Variants in CEP170 observed in about 807,000 individuals in gnomAD.
CEP170 encodes centrosomal protein of 170 kDa.
In CEP170, 21 loss-of-function variants were observed where a neutral mutation model predicts 151.9. The ratio of observed to expected loss-of-function variants is 0.14; its 90% CI spans 0.10 to 0.20. The LOEUF is 0.20. Among genes scored for constraint, CEP170 ranks in the 10% least tolerant of loss-of-function variants. The pLI is 1.00. For missense variants in CEP170, 964 were observed against 1,892.9 expected (o/e 0.51, Z 9.11); for synonymous variants, 356 against 648.8 (o/e 0.55, Z 6.86).
At chr1:243,157,384 T>TA (rs3831300) in intron 13 of CEP170, among the ~76,000 whole-genome samples, 93,495 of 152,008 alleles carry the variant, frequency 0.62, 30,473 homozygotes, top group African/African-American at 0.85. Flanking sequence ...TAAATAGAGG[T>TA]AAAAAGAGAG....
chr1:243,128,505 A>G (rs1014364771), intron 18 of CEP170: 50 of 528,098 alleles, frequency 9.5e-5, no homozygotes, highest in Non-Finnish European at 1.3e-4. Context: ...AATGAAATAC[A>G]ATAACTTTTT....
intron 1 of CEP170, among the ~76,000 whole-genome samples, chr1:243,250,006 C>T (rs773745654): frequency 7.9e-5 from 12 of 152,092 alleles, no homozygotes; most frequent in Non-Finnish European, 1.0e-4. Flanking sequence ...AGGAGGCAGA[C>T]GTTGTAGTAA....
intron 1 of CEP170, among the ~76,000 whole-genome samples, chr1:243,234,215 A>C (rs1223795908): frequency 6.6e-6 from 1 of 152,208 alleles, no homozygotes; most frequent in Non-Finnish European, 1.5e-5. Context: ...AGCTGGCCTC[A>C]CATTAGGACT....
chr1:243,227,805 C>G (rs2063422018), intron 1 of CEP170, among the ~76,000 whole-genome samples: 1 of 152,104 alleles, frequency 6.6e-6, no homozygotes. Context: ...CCCTGTGGAC[C>G]CTTGTAAGGT....
In CEP170 at chr1:243,129,489, T is replaced by C. The variant is rs533611306; in HGVS notation, c.4320-36A>G. The C allele has an allele frequency of 6.8e-5, 85 of 1,258,042 alleles. 3 individuals carry two copies. The South Asian group carries it at 1.2e-3, about 17-fold the overall frequency. The allele number at this position is 1,258,042 out of a possible 1,614,324, so 77.9% of individuals were successfully genotyped here. ...AAAAACATAAGCATATAACTTTTTATATTTTAAAAACCTATTACTTTTTTG... is the reference window on the plus strand; with the variant it reads ...AAAAACATAAGCATATAACTTTTTACATTTTAAAAACCTATTACTTTTTTG... On this transcript the variant is annotated intron_variant, in intron 17 of 19. Transcript: ENST00000366542.
At chr1:243,178,335 A>AAAAAT (rs1220939255) in intron 10 of CEP170, among the ~76,000 whole-genome samples, 1 of 149,970 alleles carries the variant, frequency 6.7e-6, no homozygotes, top group African/African-American at 2.4e-5. Context: ...AAAAAAAAAA[A>AAAAAT]GGAGTGAAGT....
intron 7 of CEP170, among the ~76,000 whole-genome samples, chr1:243,192,181 T>C (rs566010471): frequency 6.6e-6 from 1 of 152,314 alleles, no homozygotes; most frequent in South Asian, 2.1e-4. Context: ...AAGGTTAAAA[T>C]AGGAAATTCA....
At chr1:243,162,621 G>A (rs907882075) in intron 13 of CEP170, among the ~76,000 whole-genome samples, 4 of 152,166 alleles carry the variant, frequency 2.6e-5, no homozygotes, top group African/African-American at 9.7e-5. Context: ...ACTTGCTGAA[G>A]TAATCATATT....
At chr1:243,216,058 AG>A (rs1206208503) in intron 3 of CEP170, among the ~76,000 whole-genome samples, 1 of 151,824 alleles carries the variant, frequency 6.6e-6, no homozygotes, top group Non-Finnish European at 1.5e-5. Flanking sequence ...GCATACTGAG[AG>A]TTAAGGGCCT....
intron 8 of CEP170, among the ~76,000 whole-genome samples, chr1:243,188,612 C>G (rs1391777357): frequency 6.6e-6 from 1 of 152,140 alleles, no homozygotes; most frequent in Non-Finnish European, 1.5e-5. Context: ...TTAGCTGTAA[C>G]AAGTCAGTGG....
intron 4 of CEP170, among the ~76,000 whole-genome samples, chr1:243,204,575 C>A (rs1216034680): frequency 6.6e-6 from 1 of 152,152 alleles, no homozygotes; most frequent in Non-Finnish European, 1.5e-5. Flanking sequence ...TAATTTCCCA[C>A]AAAATGTGGA....
intron 3 of CEP170, among the ~76,000 whole-genome samples, chr1:243,214,439 C>T (rs1284058310): frequency 1.3e-5 from 2 of 151,746 alleles, no homozygotes; most frequent in African/African-American, 4.8e-5. Flanking sequence ...GCACCTGCCG[C>T]CACGCCTGGC....
Position 243,242,858 on chromosome 1 carries a change from G to A in CEP170, c.-42+12182C>T, listed in dbSNP as rs549836616. Among the ~76,000 whole-genome samples the A allele has an allele frequency of 1.3e-4, 20 of 152,170 alleles. 1 individual carries two copies. The highest frequency in any genetic ancestry group is 1.2e-3 in the South Asian group (6 of 4,832). On this transcript the variant is annotated intron_variant, in intron 1 of 19. Transcript: ENST00000366542. ...CAGGATTACAGGCATGCGCCATTGC[G>A]CCCAGCTAATTTTGTATTTTTAGTA...
At chr1:243,219,231 G>T (rs1305590594) in intron 3 of CEP170, among the ~76,000 whole-genome samples, 3 of 152,164 alleles carry the variant, frequency 2.0e-5, no homozygotes, top group Non-Finnish European at 4.4e-5. Flanking sequence ...TACAGAGCAG[G>T]AATTATTTCA....
rs149574017 is a variant in CEP170, at chr1:243,195,726, C to T, written c.631+3334G>A. Among the ~76,000 whole-genome samples the T allele has an allele frequency of 1.1e-3, 173 of 152,152 alleles. 1 individual carries two copies. The East Asian group carries it at 0.023, about 20-fold the overall frequency. On this transcript the variant is annotated intron_variant, in intron 7 of 19. Coordinates refer to ENST00000366542, the MANE Select transcript of CEP170 (RefSeq NM_014812.3). ...AAATACCTTAATTTCAAAATGACCA[C>T]ATTAAAGAACACTTGATATACATTT...
intron 16 of CEP170, among the ~76,000 whole-genome samples, chr1:243,138,253 G>A (rs1261773667): frequency 2.6e-5 from 4 of 151,756 alleles, no homozygotes; most frequent in Non-Finnish European, 4.4e-5. Context: ...CCTAGACATC[G>A]GGACAGAATG....
At chr1:243,212,182 G>A (rs542926699) in intron 3 of CEP170, among the ~76,000 whole-genome samples, 1 of 152,272 alleles carries the variant, frequency 6.6e-6, no homozygotes, top group African/African-American at 2.4e-5. Context: ...AGAACCCAGT[G>A]CTGCCAAGAT....
In CEP170 at chr1:243,169,706, T is replaced by C. The variant is rs1429140041; in HGVS notation, c.1765A>G (p.Ser589Gly). ...GSKRWVSQWA[S>G]LAANHTRHDQ... Reference sequence around the variant, plus strand: ...TGCCTTGTATGATTGGCAGCCAAACTAGCCCACTGTGAAACCCAACGTTTG... The same window carrying C: ...TGCCTTGTATGATTGGCAGCCAAACCAGCCCACTGTGAAACCCAACGTTTG... Residue 589 changes from serine to glycine, a missense_variant, in exon 12 of 20, where the codon AGT becomes GGT. Transcript: ENST00000366542. 5 of 1,613,678 alleles carry C rather than the reference T, an allele frequency of 3.1e-6. No homozygotes were observed. The highest frequency in any genetic ancestry group is 4.2e-6 in the Non-Finnish European group (5 of 1,179,684).
intron 1 of CEP170, among the ~76,000 whole-genome samples, chr1:243,227,657 C>A (rs909751142): frequency 1.3e-5 from 2 of 152,126 alleles, no homozygotes; most frequent in African/African-American, 4.8e-5. Flanking sequence ...TACAATTACT[C>A]CTTGGAGAAT....
Sources: gnomAD v4.1 joint callset for allele counts (sites outside exome capture counted in the v4.1 genomes callset) on GRCh38, gnomAD v4.1.1 for gene constraint, MANE v1.5 for transcripts, NCBI Gene and HGNC (gene_info 2026-07-23, HGNC 2026-07-21) for gene names.